The following PABPC4L variants were observed in gnomAD, a reference collection of about 807,000 sequenced individuals.
The protein encoded by PABPC4L is poly(A) binding protein cytoplasmic 4 like, also known as polyadenylate-binding protein 4-like.
For missense variants in PABPC4L, 452 were observed against 451.4 expected (o/e 1.00, Z -0.01); for synonymous variants, 169 against 164.1 (o/e 1.03, Z -0.23).
the PABPC4L span, among the ~76,000 whole-genome samples, chr4:133,998,783 C>T: frequency 6.6e-6 from 1 of 151,438 alleles, no homozygotes; most frequent in African/African-American, 2.4e-5. Context: ...TTTTCTTTTG[C>T]AATCATTATT....
the PABPC4L span, among the ~76,000 whole-genome samples, chr4:134,037,922 CAGT>C: frequency 6.6e-6 from 1 of 152,084 alleles, no homozygotes; most frequent in East Asian, 1.9e-4. Context: ...GGAATGCTTC[CAGT>C]TTTTGCCCAT....
chr4:134,060,857 A>G, the PABPC4L span, among the ~76,000 whole-genome samples: 2 of 152,044 alleles, frequency 1.3e-5, no homozygotes, highest in African/African-American at 2.4e-5. Flanking sequence ...TATTTGTGAG[A>G]GCTAAATATT....
the PABPC4L span, among the ~76,000 whole-genome samples, chr4:134,008,168 G>T: frequency 6.6e-6 from 1 of 151,510 alleles, no homozygotes; most frequent in Non-Finnish European, 1.5e-5. Context: ...ATAAAATCTT[G>T]GTACTTTAGA....
the PABPC4L span, among the ~76,000 whole-genome samples, chr4:134,145,231 A>T: frequency 6.6e-6 from 1 of 151,842 alleles, no homozygotes; most frequent in African/African-American, 2.4e-5. Flanking sequence ...TCTGTTATTT[A>T]TAACAATAAA....
the PABPC4L span, among the ~76,000 whole-genome samples, chr4:134,036,320 C>G: frequency 6.6e-6 from 1 of 152,034 alleles, no homozygotes; most frequent in African/African-American, 2.4e-5. Context: ...GTTATTTTAA[C>G]TGCACAGATA....
chr4:134,066,058 C>CT, the PABPC4L span, among the ~76,000 whole-genome samples: 1 of 151,986 alleles, frequency 6.6e-6, no homozygotes, highest in Non-Finnish European at 1.5e-5. Context: ...CAGTTTTGTT[C>CT]TTTTTGCTAG....
the PABPC4L span, among the ~76,000 whole-genome samples, chr4:133,984,480 T>C: frequency 2.0e-5 from 3 of 151,898 alleles, no homozygotes; most frequent in Non-Finnish European, 4.4e-5. Context: ...AGACAGGCAT[T>C]ATTTATGATC....
At chr4:134,173,517 A>G in the PABPC4L span, among the ~76,000 whole-genome samples, 1 of 152,118 alleles carries the variant, frequency 6.6e-6, no homozygotes, top group African/African-American at 2.4e-5. Flanking sequence ...TACTGAACTC[A>G]TGGAGATAGA....
At chr4:134,113,556 C>A in the PABPC4L span, among the ~76,000 whole-genome samples, 4 of 151,842 alleles carry the variant, frequency 2.6e-5, no homozygotes, top group African/African-American at 9.7e-5. Context: ...TGTAAGTACA[C>A]TCTATGATGT....
At chr4:134,177,587 G>T in the PABPC4L span, among the ~76,000 whole-genome samples, 1 of 152,104 alleles carries the variant, frequency 6.6e-6, no homozygotes, top group Non-Finnish European at 1.5e-5. Flanking sequence ...TGGTAACCAG[G>T]CAGGCAATGC....
At chr4:133,969,063 C>T in the PABPC4L span, among the ~76,000 whole-genome samples, 1 of 152,094 alleles carries the variant, frequency 6.6e-6, no homozygotes, top group African/African-American at 2.4e-5. Context: ...GAGAGGGGCA[C>T]AGATTATAAA....
the PABPC4L span, among the ~76,000 whole-genome samples, chr4:134,140,963 C>G: frequency 6.6e-6 from 1 of 151,606 alleles, no homozygotes; most frequent in East Asian, 1.9e-4. Flanking sequence ...ATACTTGATT[C>G]TATCATAAGT....
At chr4:134,159,719 C>A in the PABPC4L span, among the ~76,000 whole-genome samples, 2 of 152,094 alleles carry the variant, frequency 1.3e-5, no homozygotes, top group African/African-American at 2.4e-5. Context: ...ACAGAGACTG[C>A]AGTCCCTGGG....
At chr4:134,175,374 C>T in the PABPC4L span, among the ~76,000 whole-genome samples, 1 of 151,294 alleles carries the variant, frequency 6.6e-6, no homozygotes, top group South Asian at 2.1e-4. Context: ...TATTATGATG[C>T]CACCCAAATG....
At chr4:134,053,600 T>C in the PABPC4L span, among the ~76,000 whole-genome samples, 1 of 152,086 alleles carries the variant, frequency 6.6e-6, no homozygotes, top group African/African-American at 2.4e-5. Flanking sequence ...GTTTCCAACA[T>C]TTGTCCCCAG....
the PABPC4L span, among the ~76,000 whole-genome samples, chr4:134,187,821 A>T: frequency 1.3e-5 from 2 of 151,884 alleles, no homozygotes; most frequent in African/African-American, 4.8e-5. Flanking sequence ...GTGACTTTAT[A>T]TTCGAAGTGA....
the PABPC4L span, among the ~76,000 whole-genome samples, chr4:134,036,783 C>T: frequency 2.6e-5 from 4 of 152,000 alleles, no homozygotes; most frequent in African/African-American, 4.8e-5. Flanking sequence ...TAGGCCAATG[C>T]AGTGGCTCAT....
the PABPC4L span, among the ~76,000 whole-genome samples, chr4:134,155,421 C>CACACACAG: frequency 6.6e-6 from 1 of 151,516 alleles, no homozygotes; most frequent in South Asian, 2.1e-4. Flanking sequence ...TTCACACACA[C>CACACACAG]ACACACACAC....
chr4:134,170,538 G>A, the PABPC4L span, among the ~76,000 whole-genome samples: 184 of 152,202 alleles, frequency 1.2e-3, no homozygotes, highest in African/African-American at 4.3e-3. Context: ...GTGATCTCAG[G>A]AAATTTAAAA....
Sources: gnomAD v4.1 joint callset for allele counts (sites outside exome capture counted in the v4.1 genomes callset) on GRCh38, gnomAD v4.1.1 for gene constraint, MANE v1.5 for transcripts, NCBI Gene and HGNC (gene_info 2026-07-23, HGNC 2026-07-21) for gene names.